AOPEP: variants seen among roughly 807,000 people sequenced by gnomAD.
AOPEP encodes the protein aminopeptidase O.
In AOPEP, 77 loss-of-function variants were observed where a neutral mutation model predicts 98.1. That is an observed-to-expected ratio of 0.78 (90% confidence interval 0.65 to 0.95). AOPEP has a LOEUF of 0.95. AOPEP is among the 40% of genes least tolerant of loss of function. The pLI, the probability that AOPEP is intolerant of heterozygous loss-of-function variation, is 0.00. For missense variants in AOPEP, 1,024 were observed against 1,024.7 expected, an observed-to-expected ratio of 1.00 and a Z score of 0.01; for synonymous variants, 346 against 365.3, an observed-to-expected ratio of 0.95 and a Z score of 0.60.
chr9:94,876,272 T>C (rs2046923163), intron 5 of AOPEP, among the ~76,000 whole-genome samples: 1 of 152,114 alleles, frequency 6.6e-6, no homozygotes, highest in African/African-American at 2.4e-5. Flanking sequence ...TGACAAAACC[T>C]TGGAAAACCC....
chr9:95,004,668 C>G (rs1014677957), intron 11 of AOPEP, among the ~76,000 whole-genome samples: 2 of 150,960 alleles, frequency 1.3e-5, no homozygotes, highest in Non-Finnish European at 3.0e-5. Context: ...GCGCGGGCCC[C>G]TCTCGCTGCC....
intron 16 of AOPEP, chr9:95,086,140 A>C: frequency 7.4e-7 from 1 of 1,356,718 alleles, no homozygotes; most frequent in South Asian, 1.2e-5. Flanking sequence ...GAGGCTCAGG[A>C]GAGCTGGGGC....
chr9:94,898,556 C>T (rs1464183061), intron 5 of AOPEP, among the ~76,000 whole-genome samples: 1 of 151,682 alleles, frequency 6.6e-6, no homozygotes, highest in Non-Finnish European at 1.5e-5. Context: ...TCGCTTGAAC[C>T]CAGGAGGTGG....
At chr9:94,950,080 A>G (rs1482664659) in intron 7 of AOPEP, among the ~76,000 whole-genome samples, 2 of 152,156 alleles carry the variant, frequency 1.3e-5, no homozygotes, top group Non-Finnish European at 2.9e-5. Context: ...AAACCTTTTC[A>G]TTTTGGAATA....
chr9:94,975,258 G>GTAA (rs1009834970), intron 10 of AOPEP, among the ~76,000 whole-genome samples: 1 of 151,598 alleles, frequency 6.6e-6, no homozygotes, highest in East Asian at 1.9e-4. Context: ...ATAATAATAA[G>GTAA]TAATAATAAT....
chr9:94,955,380 A>G, intron 8 of AOPEP, 101 bp downstream of exon 8: 1 of 720,956 alleles, frequency 1.4e-6, no homozygotes, highest in Non-Finnish European at 2.3e-6. Flanking sequence ...AGGTGAAAAT[A>G]CTGTAATGAT....
intron 2 of AOPEP, among the ~76,000 whole-genome samples, chr9:94,771,592 C>G (rs970498902): frequency 3.3e-5 from 5 of 152,172 alleles, no homozygotes; most frequent in African/African-American, 4.8e-5. Flanking sequence ...TGGCTTCCTG[C>G]TAGGTTTGGC....
At chr9:94,849,028 C>A (rs1265992763) in intron 5 of AOPEP, among the ~76,000 whole-genome samples, 1 of 152,220 alleles carries the variant, frequency 6.6e-6, no homozygotes, top group Non-Finnish European at 1.5e-5. Context: ...ATCCACTCGC[C>A]TCGGCCTCCC....
chr9:94,923,778 G>A (rs1370213495), intron 5 of AOPEP, among the ~76,000 whole-genome samples: 3 of 152,096 alleles, frequency 2.0e-5, no homozygotes, highest in African/African-American at 7.2e-5. Context: ...AAAACTGGTT[G>A]GCAGAAACGG....
chr9:94,831,658 T>C (rs540448691), intron 5 of AOPEP, among the ~76,000 whole-genome samples: 4 of 152,132 alleles, frequency 2.6e-5, no homozygotes, highest in Admixed American at 6.5e-5. Context: ...ATGGCCATCT[T>C]CACAATATTG....
intron 7 of AOPEP, among the ~76,000 whole-genome samples, chr9:94,942,402 A>G (rs2057104998): frequency 6.6e-6 from 1 of 152,178 alleles, no homozygotes; most frequent in Admixed American, 6.5e-5. Context: ...GACAAAAACT[A>G]TATGGGTATT....
intron 13 of AOPEP, among the ~76,000 whole-genome samples, chr9:95,043,893 C>T (rs2065587282): frequency 6.6e-6 from 1 of 152,208 alleles, no homozygotes; most frequent in Non-Finnish European, 1.5e-5. Context: ...CGTGGGCCCA[C>T]ATGATCCACC....
intron 5 of AOPEP, among the ~76,000 whole-genome samples, chr9:94,910,990 C>T (rs753052588): frequency 6.6e-6 from 1 of 152,116 alleles, no homozygotes; most frequent in Non-Finnish European, 1.5e-5. Flanking sequence ...GTGTCTATAG[C>T]AAAGAGTATT....
At chr9:94,869,186 G>T (rs116771580) in intron 5 of AOPEP, among the ~76,000 whole-genome samples, 186 of 152,194 alleles carry the variant, frequency 1.2e-3, no homozygotes, top group African/African-American at 4.4e-3. Context: ...CCAAGACTGC[G>T]CCACTTCACT....
At position 95,022,645 on chromosome 9, in the gene AOPEP, G is replaced by GT. The variant is rs10659843; in HGVS notation, c.2115+17038dup. 6.5e-4 allele frequency among the ~76,000 whole-genome samples: 98 copies of GT among 150,786 alleles called. No homozygotes were observed. In the South Asian group the frequency reaches 8.6e-3, roughly 13 times the overall value. On this transcript the variant is annotated intron_variant, in intron 13 of 16. Coordinates refer to ENST00000375315, the MANE Select transcript of AOPEP (RefSeq NM_001193329.3). Reference sequence around the variant, plus strand: ...TAAGCCACCGCGTCTGGCCTATTTTGTTTTTTTTTAAAGACAGTTCATTAT... The same window carrying GT: ...TAAGCCACCGCGTCTGGCCTATTTTGTTTTTTTTTTAAAGACAGTTCATTAT...
chr9:94,762,463 A>AG (rs1347686954), intron 2 of AOPEP, among the ~76,000 whole-genome samples: 1 of 152,084 alleles, frequency 6.6e-6, no homozygotes, highest in African/African-American at 2.4e-5. Flanking sequence ...AAAAAAAAAA[A>AG]AAAGAAATTA....
At chr9:95,102,051 G>A in the AOPEP span, among the ~76,000 whole-genome samples, 1 of 152,184 alleles carries the variant, frequency 6.6e-6, no homozygotes. Context: ...GCTACACAGT[G>A]AGCGGTGCCA....
At position 95,043,952 on chromosome 9, in the gene AOPEP, G is replaced by A. The variant is rs150531096; in HGVS notation, c.2116-16742G>A. Among the ~76,000 whole-genome samples, 10 of 152,338 alleles carry A rather than the reference G, an allele frequency of 6.6e-5. No homozygotes were observed. The East Asian group carries it at 1.5e-3, about 23-fold the overall frequency. ...GTTGTAACCGCTGTGTACATATGGT[G>A]TATTAAGTGGCTTGACCTTCCTGTG... is the stretch of plus-strand genomic sequence containing the variant. On this transcript the variant is annotated intron_variant, in intron 13 of 16. Transcript: ENST00000375315.
chr9:94,727,966 G>T (rs1323081257), intron 1 of AOPEP, among the ~76,000 whole-genome samples: 2 of 152,120 alleles, frequency 1.3e-5, no homozygotes, highest in Non-Finnish European at 2.9e-5. Context: ...ATATGAAATT[G>T]ACTTGCTAAA....
Sources: allele counts gnomAD v4.1 joint callset (sites outside exome capture counted in the v4.1 genomes callset), GRCh38; gene constraint gnomAD v4.1.1; transcripts MANE v1.5; gene names NCBI Gene and HGNC (gene_info 2026-07-23, HGNC 2026-07-21).